Variants in ADGRB3 observed in about 807,000 individuals in gnomAD.
ADGRB3 encodes adhesion G protein-coupled receptor B3.
A neutral mutation model predicts 193.4 loss-of-function variants in ADGRB3; 37 were observed. The observed-to-expected ratio is 0.19, with a 90% CI of 0.15 to 0.25. The LOEUF is 0.25. Ranked by LOEUF, ADGRB3 falls within the 10% of genes least tolerant of loss-of-function variation. ADGRB3 has a pLI of 1.00. For missense variants in ADGRB3, 1,637 were observed against 1,852.9 expected, an observed-to-expected ratio of 0.88 and a Z score of 2.14; for synonymous variants, 690 against 644.2, an observed-to-expected ratio of 1.07 and a Z score of -1.08.
intron 17 of ADGRB3, among the ~76,000 whole-genome samples, chr6:69,142,032 A>G (rs550445194): frequency 2.6e-5 from 4 of 152,328 alleles, no homozygotes; most frequent in African/African-American, 9.6e-5. Flanking sequence ...TTAGAATCAT[A>G]AATCCTAAGA....
At chr6:69,224,058 A>G (rs940846656) in intron 17 of ADGRB3, among the ~76,000 whole-genome samples, 12 of 152,092 alleles carry the variant, frequency 7.9e-5, no homozygotes, top group Non-Finnish European at 1.8e-4. Context: ...AGAGCAAACA[A>G]TAATACCTAT....
chr6:68,819,517 T>G (rs902398440), intron 3 of ADGRB3, among the ~76,000 whole-genome samples: 1 of 151,984 alleles, frequency 6.6e-6, no homozygotes, highest in Non-Finnish European at 1.5e-5. Context: ...TTGAGTACGA[T>G]TGATACCTCT....
chr6:68,638,767 C>T lies in ADGRB3; in HGVS notation c.92C>T (p.Ser31Leu). 6.2e-7 allele frequency: 1 copy of T among 1,614,118 alleles called. No homozygotes were observed. The highest frequency in any genetic ancestry group is 8.5e-7 in the Non-Finnish European group (1 of 1,180,014). Reference protein sequence around the residue: ...GFNAAQDFWCSTLVKGVIYGS... With the variant: ...GFNAAQDFWCLTLVKGVIYGS... The stretch of plus-strand genomic sequence containing the variant: ...AATGCTGCCCAAGACTTCTGGTGTT[C>T]AACTTTGGTGAAGGGAGTCATTTAT... The change falls in exon 3 of 32, where the codon TCA becomes TTA. Residue 31 changes from serine to leucine, a missense_variant. Ser to Leu is a moderately radical substitution (Grantham distance 145). Coordinates refer to ENST00000370598, the MANE Select transcript of ADGRB3 (RefSeq NM_001704.3).
At chr6:69,174,571 T>G (rs1231975408) in intron 17 of ADGRB3, among the ~76,000 whole-genome samples, 4 of 152,244 alleles carry the variant, frequency 2.6e-5, no homozygotes, top group Non-Finnish European at 5.9e-5. Flanking sequence ...TAAGTTCATG[T>G]GTCTTTTTGG....
At chr6:68,763,652 TA>T (rs1380414997) in intron 3 of ADGRB3, among the ~76,000 whole-genome samples, 1 of 152,220 alleles carries the variant, frequency 6.6e-6, no homozygotes, top group Admixed American at 6.5e-5. Context: ...TTTCTGAATT[TA>T]AAGGTAATGC....
At chr6:69,039,066 A>T (rs914332646) in intron 13 of ADGRB3, among the ~76,000 whole-genome samples, 1 of 152,168 alleles carries the variant, frequency 6.6e-6, no homozygotes, top group Non-Finnish European at 1.5e-5. Context: ...TGCCCCCATT[A>T]GTCACTTAGT....
intron 20 of ADGRB3, among the ~76,000 whole-genome samples, chr6:69,314,750 A>G (rs1165478048): frequency 4.0e-5 from 6 of 151,606 alleles, no homozygotes; most frequent in South Asian, 2.1e-4. Context: ...ACTGCTGTCA[A>G]TGTAGCATGT....
At chr6:68,777,784 A>G (rs1766777862) in intron 3 of ADGRB3, among the ~76,000 whole-genome samples, 1 of 152,086 alleles carries the variant, frequency 6.6e-6, no homozygotes, top group Non-Finnish European at 1.5e-5. Context: ...CCAACTGAGA[A>G]GAGATGAAGG....
rs908816675 is a variant in ADGRB3 at position 69,235,049 on chromosome 6, C to A, written c.2625C>A (p.Gly875=). ...ATTCACAGATCATGGAATCCTCTGG[C>A]ACACCTTCAGTTACCCTAATAGTAG... ...QPREIIMESS[G]TPSVTLIVGS... is the part of the protein sequence containing the mutation. Residue 875 remains glycine (G), a synonymous_variant, in exon 19 of 32, where the codon GGC becomes GGA. Coordinates refer to ENST00000370598, the MANE Select transcript of ADGRB3 (RefSeq NM_001704.3). 6.2e-7 allele frequency: 1 copy of A among 1,612,064 alleles called. No homozygotes were observed. The highest frequency in any genetic ancestry group is 2.2e-5 in the East Asian group (1 of 44,836).
At chr6:68,959,021 T>A (rs1182743402) in intron 8 of ADGRB3, among the ~76,000 whole-genome samples, 1 of 152,090 alleles carries the variant, frequency 6.6e-6, no homozygotes, top group East Asian at 1.9e-4. Flanking sequence ...AAAATACCTC[T>A]GCTTTCTTAG....
At chr6:69,257,488 C>T (rs1000160392) in intron 20 of ADGRB3, among the ~76,000 whole-genome samples, 1 of 151,980 alleles carries the variant, frequency 6.6e-6, no homozygotes, top group Non-Finnish European at 1.5e-5. Flanking sequence ...AGTTTATTTG[C>T]GTAGAGGTGT....
intron 5 of ADGRB3, among the ~76,000 whole-genome samples, chr6:68,943,234 CTG>C (rs1767689317): frequency 1.3e-5 from 2 of 152,106 alleles, no homozygotes; most frequent in East Asian, 3.9e-4. Context: ...AGTAGACACT[CTG>C]TTTGAAATTC....
rs574106284 is a variant in ADGRB3, at chr6:69,108,467, G to T, written c.2480+32429G>T. On this transcript the variant is annotated intron_variant, in intron 17 of 31. Transcript: ENST00000370598. ...AGTGGACTTTGCAAGATTACAAAGCGAACATTATATGCAAAATACTTAACT... is the reference window on the plus strand; with the variant it reads ...AGTGGACTTTGCAAGATTACAAAGCTAACATTATATGCAAAATACTTAACT... Among the ~76,000 whole-genome samples the T allele has an allele frequency of 6.6e-5, 10 of 151,378 alleles. No homozygotes were observed. The East Asian group carries it at 1.9e-3, about 29-fold the overall frequency.
intron 3 of ADGRB3, among the ~76,000 whole-genome samples, chr6:68,877,060 A>G (rs566691037): frequency 2.6e-5 from 4 of 152,078 alleles, no homozygotes; most frequent in South Asian, 4.1e-4. Context: ...TACTAGTATT[A>G]GTATTATTTT....
chr6:69,144,441 T>C (rs1774424477), intron 17 of ADGRB3, among the ~76,000 whole-genome samples: 1 of 152,152 alleles, frequency 6.6e-6, no homozygotes, highest in South Asian at 2.1e-4. Flanking sequence ...ATGTACAGTA[T>C]CATGTTAAAT....
intron 3 of ADGRB3, among the ~76,000 whole-genome samples, chr6:68,706,327 A>G (rs1320110157): frequency 6.6e-6 from 1 of 152,216 alleles, no homozygotes; most frequent in East Asian, 1.9e-4. Context: ...GGACTGAAAA[A>G]TAAGTACCTC....
chr6:68,972,625 G>C (rs1274571573), intron 8 of ADGRB3, among the ~76,000 whole-genome samples: 1 of 150,004 alleles, frequency 6.7e-6, no homozygotes, highest in Non-Finnish European at 1.5e-5. Flanking sequence ...CTAACTCGTA[G>C]GTGGTTGGGA....
chr6:68,846,891 G>A (rs525342), intron 3 of ADGRB3, among the ~76,000 whole-genome samples: 32,802 of 151,960 alleles, frequency 0.22, 4,089 homozygotes, highest in East Asian at 0.58. Context: ...TGGTAGATCC[G>A]CTTGCACCAT....
At chr6:69,183,448 G>A (rs971684675) in intron 17 of ADGRB3, among the ~76,000 whole-genome samples, 1 of 151,038 alleles carries the variant, frequency 6.6e-6, no homozygotes, top group Non-Finnish European at 1.5e-5. Context: ...CAGGTTTTTA[G>A]GAGAACTTCA....
Sources: allele counts gnomAD v4.1 joint callset (sites outside exome capture counted in the v4.1 genomes callset), GRCh38; gene constraint gnomAD v4.1.1; transcripts MANE v1.5; gene names NCBI Gene and HGNC (gene_info 2026-07-23, HGNC 2026-07-21).